The following CREB5 variants were observed in gnomAD, a reference collection of about 807,000 sequenced individuals.
CREB5 encodes cyclic AMP-responsive element-binding protein 5.
In CREB5, 19 loss-of-function variants were observed where a neutral mutation model predicts 57.1. The observed-to-expected ratio is 0.33, with a 90% CI of 0.23 to 0.49. CREB5 has a LOEUF of 0.49. CREB5 is among the 20% of genes least tolerant of loss of function. CREB5 has a pLI of 0.99. For synonymous variants in CREB5, 238 were observed against 238.3 expected (o/e 1.00, Z 0.01); for missense variants, 579 against 671.6 (o/e 0.86, Z 1.52).
At chr7:28,416,211 C>G (rs568274410) in intron 1 of CREB5, among the ~76,000 whole-genome samples, 163 of 152,312 alleles carry the variant, frequency 1.1e-3, no homozygotes, top group African/African-American at 3.9e-3. Context: ...ATTCAGGTCT[C>G]TTTTTATTCT....
In CREB5 at chr7:28,784,083, G is replaced by A. The variant is rs78848352; in HGVS notation, c.703-20116G>A. On this transcript the variant is annotated intron_variant, in intron 7 of 10. Coordinates refer to ENST00000357727, the MANE Select transcript of CREB5 (RefSeq NM_182898.4). Reference sequence around the variant, plus strand: ...GAACAGTAATGACTGCCGTCACTCAGATGACTTTGTCCTGTTTGGAGCATC... The same window carrying A: ...GAACAGTAATGACTGCCGTCACTCAAATGACTTTGTCCTGTTTGGAGCATC... Among the ~76,000 whole-genome samples, 1,083 of 152,336 alleles carry A rather than the reference G, an allele frequency of 7.1e-3. 17 individuals carry two copies. Among genetic ancestry groups the A allele is most frequent in the African/African-American group, 0.025 (1,027 of 41,572 alleles).
chr7:28,743,636 C>G (rs1349198160), intron 7 of CREB5, among the ~76,000 whole-genome samples: 1 of 152,122 alleles, frequency 6.6e-6, no homozygotes, highest in African/African-American at 2.4e-5. Context: ...GTAGCTTAAA[C>G]CACAGAAATT....
chr7:28,736,122 G>A (rs986612439), intron 7 of CREB5, among the ~76,000 whole-genome samples: 1 of 152,046 alleles, frequency 6.6e-6, no homozygotes, highest in African/African-American at 2.4e-5. Context: ...ATGTGGTAAG[G>A]AGTCAGCAAG....
At chr7:28,503,077 G>A (rs927699284) in intron 3 of CREB5, among the ~76,000 whole-genome samples, 9 of 152,206 alleles carry the variant, frequency 5.9e-5, no homozygotes, top group Non-Finnish European at 1.0e-4. Context: ...GATAGGAAGC[G>A]CTAAGAGTCG....
At chr7:28,552,227 G>T (rs527929767) in intron 4 of CREB5, among the ~76,000 whole-genome samples, 1 of 152,116 alleles carries the variant, frequency 6.6e-6, no homozygotes, top group African/African-American at 2.4e-5. Context: ...TTGTAGAGAC[G>T]GGGTTTTGCC....
intron 7 of CREB5, among the ~76,000 whole-genome samples, chr7:28,795,396 A>T (rs547075347): frequency 6.6e-6 from 1 of 152,308 alleles, no homozygotes; most frequent in South Asian, 2.1e-4. Context: ...TACACAGTTG[A>T]TGGCTGTGAC....
At chr7:28,316,662 A>G (rs541684582) in intron 1 of CREB5, among the ~76,000 whole-genome samples, 1 of 152,322 alleles carries the variant, frequency 6.6e-6, no homozygotes, top group Admixed American at 6.5e-5. Context: ...GATTTACTCA[A>G]CTAGGGCATT....
At chr7:28,581,701 T>G (rs1320907095) in intron 5 of CREB5, among the ~76,000 whole-genome samples, 2 of 152,172 alleles carry the variant, frequency 1.3e-5, no homozygotes, top group African/African-American at 4.8e-5. Context: ...CCCACTACAG[T>G]ACAGTGAAAG....
chr7:28,460,122 C>T (rs75049244), intron 1 of CREB5, among the ~76,000 whole-genome samples: 5,175 of 152,246 alleles, frequency 0.034, 305 homozygotes, highest in African/African-American at 0.12. Context: ...CTCCTGCCAA[C>T]TTCCCAGAAT....
At chr7:28,724,809 A>G (rs1430586407) in intron 7 of CREB5, 1 of 152,802 alleles carries the variant, frequency 6.5e-6, no homozygotes, top group African/African-American at 2.4e-5. Flanking sequence ...ATTTGAAAGG[A>G]TGAGAGCCTT....
intron 7 of CREB5, among the ~76,000 whole-genome samples, chr7:28,776,399 A>G (rs1390737622): frequency 1.3e-5 from 2 of 151,860 alleles, no homozygotes; most frequent in East Asian, 1.9e-4. Flanking sequence ...ATTCTCACCC[A>G]TTATATTCAG....
intron 5 of CREB5, among the ~76,000 whole-genome samples, chr7:28,685,514 C>G (rs1219935111): frequency 6.6e-6 from 1 of 152,156 alleles, no homozygotes; most frequent in Non-Finnish European, 1.5e-5. Flanking sequence ...GCGATGGAAA[C>G]CCTGTCACCT....
At chr7:28,321,782 C>CA (rs1380754037) in intron 1 of CREB5, among the ~76,000 whole-genome samples, 1 of 152,190 alleles carries the variant, frequency 6.6e-6, no homozygotes, top group African/African-American at 2.4e-5. Flanking sequence ...GAAACACATT[C>CA]AAAGGTAAAA....
At chr7:28,742,647 T>C (rs1309861060) in intron 7 of CREB5, among the ~76,000 whole-genome samples, 1 of 152,218 alleles carries the variant, frequency 6.6e-6, no homozygotes, top group Non-Finnish European at 1.5e-5. Context: ...ACCAACATTG[T>C]CTGACATTTT....
chr7:28,682,688 G>T (rs546905072), intron 5 of CREB5, among the ~76,000 whole-genome samples: 12 of 148,624 alleles, frequency 8.1e-5, no homozygotes, highest in Non-Finnish European at 1.1e-4. Context: ...AAAGTGGGGG[G>T]GGGGGGAAAC....
chr7:28,345,273 CTTT>C (rs58373526), intron 1 of CREB5, among the ~76,000 whole-genome samples: 91,369 of 148,596 alleles, frequency 0.61, 28,409 homozygotes, highest in South Asian at 0.7. Flanking sequence ...CAAAACAAGT[CTTT>C]TTTTTTTTTT....
At chr7:28,561,670 A>G (rs1007014212) in intron 4 of CREB5, among the ~76,000 whole-genome samples, 9 of 152,252 alleles carry the variant, frequency 5.9e-5, no homozygotes, top group African/African-American at 1.7e-4. Flanking sequence ...TACCAAGCAC[A>G]CAGCATGGAG....
intron 4 of CREB5, among the ~76,000 whole-genome samples, chr7:28,514,116 C>T (rs1449161312): frequency 5.9e-5 from 9 of 152,232 alleles, no homozygotes; most frequent in East Asian, 1.9e-4. Context: ...TTTGCATATT[C>T]GGGTTATTTG....
chr7:28,377,854 C>T (rs1786868419), intron 1 of CREB5, among the ~76,000 whole-genome samples: 1 of 150,136 alleles, frequency 6.7e-6, no homozygotes. Context: ...AAGGCGTGAA[C>T]CCGAGAGGCG....
Sources: gnomAD v4.1 joint callset for allele counts (sites outside exome capture counted in the v4.1 genomes callset) on GRCh38, gnomAD v4.1.1 for gene constraint, MANE v1.5 for transcripts, NCBI Gene and HGNC (gene_info 2026-07-23, HGNC 2026-07-21) for gene names.